Variants in DNAH9 observed in about 807,000 individuals in gnomAD.
The protein encoded by DNAH9 is DNAH9 variant protein.
DNAH9 carries 345 observed loss-of-function variants against 471.6 expected under a neutral mutation model. The ratio of observed to expected loss-of-function variants is 0.73; its 90% CI spans 0.67 to 0.80. DNAH9 has a LOEUF of 0.80. DNAH9 is among the 30% of genes least tolerant of loss of function. DNAH9 has a pLI of 0.00. For missense variants in DNAH9, 5,407 were observed against 5,609.2 expected (o/e 0.96, Z 1.15); for synonymous variants, 2,093 against 2,123.6 (o/e 0.99, Z 0.40).
intron 42 of DNAH9, among the ~76,000 whole-genome samples, chr17:11,797,365 A>G (rs1262605259): frequency 1.3e-5 from 2 of 152,056 alleles, no homozygotes; most frequent in Non-Finnish European, 2.9e-5. Context: ...CCCACCTCCC[A>G]CTTCCCATCC....
At chr17:11,781,571 T>C (rs902673402) in intron 39 of DNAH9, among the ~76,000 whole-genome samples, 3 of 152,118 alleles carry the variant, frequency 2.0e-5, no homozygotes, top group African/African-American at 4.8e-5. Context: ...CAGTGGCTCA[T>C]GCCTGTAATC....
chr17:11,598,988 G>A, intron 1 of DNAH9, 73 bp downstream of exon 1: 1 of 1,218,100 alleles, frequency 8.2e-7, no homozygotes, highest in Non-Finnish European at 1.1e-6. Flanking sequence ...AAGGGACGGA[G>A]GCGGGGCCAG....
chr17:11,768,466 G>C lies in DNAH9; in HGVS notation c.7184G>C (p.Arg2395Pro), dbSNP rs776131763. The change falls in exon 37 of 69, where the codon CGG (arginine) becomes CCG (proline). Residue 2395 changes from arginine (R) to proline (P), a missense_variant. This residue lies in a region of DNAH9 where 4,636 missense variants were observed against 4,900.3 expected (regional missense o/e 0.95). Coordinates refer to ENST00000262442, the MANE Select transcript of DNAH9 (RefSeq NM_001372.4). ...AMVQDQLVDY[R>P]AEFSKWWLTE... Reference sequence around the variant, plus strand: ...TTGTTTTTGCAGCTTGTGGACTACCGGGCAGAGTTCAGCAAATGGTGGCTG... The same window carrying C: ...TTGTTTTTGCAGCTTGTGGACTACCCGGCAGAGTTCAGCAAATGGTGGCTG... 1.2e-6 allele frequency: 2 copies of C among 1,613,676 alleles called. No homozygotes were observed. Among genetic ancestry groups the C allele is most frequent in the African/African-American group, 2.7e-5 (2 of 74,904 alleles).
At chr17:11,760,085 G>C (rs1967600219) in intron 35 of DNAH9, among the ~76,000 whole-genome samples, 1 of 152,156 alleles carries the variant, frequency 6.6e-6, no homozygotes, top group Admixed American at 6.5e-5. Context: ...GTATCCCAAA[G>C]TGCTGAAATT....
intron 11 of DNAH9, among the ~76,000 whole-genome samples, chr17:11,646,302 C>T (rs992037352): frequency 2.6e-5 from 4 of 151,998 alleles, no homozygotes; most frequent in African/African-American, 9.7e-5. Flanking sequence ...TACAGCTGTA[C>T]ATTTCTTTAG....
Position 11,802,038 on chromosome 17 carries a change from C to T in DNAH9, c.8420+4245C>T, listed in dbSNP as rs191454048. Among the ~76,000 whole-genome samples the T allele has an allele frequency of 2.4e-3, 372 of 152,256 alleles. 1 individual carries two copies. The highest frequency in any genetic ancestry group is 8.2e-3 in the African/African-American group (341 of 41,552). ...GGAAAATGAACTGCCTGGAAGGGGA[C>T]AATTCTGAAGAATAAAATGTATTTA... On this transcript the variant is annotated intron_variant, in intron 43 of 68. Transcript: ENST00000262442.
rs533435947 is a variant in DNAH9 at position 11,784,199 on chromosome 17, C to T, written c.7822-101C>T. 19 of 1,551,948 alleles carry T rather than the reference C, an allele frequency of 1.2e-5. No homozygotes were observed. In the East Asian group the frequency reaches 1.4e-4, roughly 11 times the overall value. On this transcript the variant is annotated intron_variant, in intron 40 of 68. Transcript: ENST00000262442. Reference sequence around the variant, plus strand: ...GAGAGATGGGACCAAAATATAGATTCGAAGGCTGTATAAGAATTTTCTGTT... The same window carrying T: ...GAGAGATGGGACCAAAATATAGATTTGAAGGCTGTATAAGAATTTTCTGTT...
At chr17:11,718,042 T>TTG (rs57394041) in intron 26 of DNAH9, among the ~76,000 whole-genome samples, 126,960 of 149,450 alleles carry the variant, frequency 0.85, 56,686 homozygotes, top group Non-Finnish European at 0.98. Context: ...CCCATCTCAT[T>TTG]TGTGTGTGTG....
chr17:11,702,316 A>C (rs890065410), intron 24 of DNAH9, among the ~76,000 whole-genome samples: 2 of 152,226 alleles, frequency 1.3e-5, no homozygotes, highest in Non-Finnish European at 2.9e-5. Context: ...AAGCATAATA[A>C]GAGAGAAGCC....
chr17:11,870,977 G>A (rs1409206323), intron 51 of DNAH9, among the ~76,000 whole-genome samples: 1 of 152,128 alleles, frequency 6.6e-6, no homozygotes, highest in South Asian at 2.1e-4. Context: ...AAAATAAAGG[G>A]TGAGTCCTAA....
At chr17:11,834,171 A>T (rs1376139713) in intron 48 of DNAH9, among the ~76,000 whole-genome samples, 5 of 151,934 alleles carry the variant, frequency 3.3e-5, no homozygotes, top group Non-Finnish European at 7.4e-5. Context: ...TCTACTAAAA[A>T]TACAAACATT....
chr17:11,955,012 C>T (rs577994766), intron 67 of DNAH9, among the ~76,000 whole-genome samples: 1 of 152,060 alleles, frequency 6.6e-6, no homozygotes, highest in South Asian at 2.1e-4. Context: ...ATGCCAACAA[C>T]AGCATGAAAA....
At chr17:11,826,742 G>A (rs557916776) in intron 48 of DNAH9, among the ~76,000 whole-genome samples, 6 of 151,126 alleles carry the variant, frequency 4.0e-5, no homozygotes, top group African/African-American at 1.2e-4. Context: ...GATTACAAGT[G>A]TGAGCCACCG....
At chr17:11,893,195 A>AAAAAG in intron 58 of DNAH9, among the ~76,000 whole-genome samples, 1 of 150,650 alleles carries the variant, frequency 6.6e-6, no homozygotes, top group Non-Finnish European at 1.5e-5. Context: ...AAAAAAAAAA[A>AAAAAG]TGTGGGCCCC....
rs2072919347 is a variant in DNAH9 at position 11,623,748 on chromosome 17, G to C, written c.1350+3967G>C. 1.3e-5 allele frequency among the ~76,000 whole-genome samples: 2 copies of C among 152,182 alleles called. No individual in the cohort carries two copies. The highest frequency in any genetic ancestry group is 4.1e-4 in the South Asian group (2 of 4,832). On this transcript the variant is annotated intron_variant, in intron 6 of 68. Coordinates refer to ENST00000262442, the MANE Select transcript of DNAH9 (RefSeq NM_001372.4). This position sits in a 1 kb window ranked among gnomAD's most constrained non-coding sequence, Gnocchi z 4.1. Reference sequence around the variant, plus strand: ...TTCTAATACAATCTATGGCCACTGAGATGATGGTAGCTGCAATTAATAAAT... The same window carrying C: ...TTCTAATACAATCTATGGCCACTGACATGATGGTAGCTGCAATTAATAAAT...
chr17:11,925,429 C>T (rs1974288495), intron 62 of DNAH9: 1 of 294,028 alleles, frequency 3.4e-6, no homozygotes, highest in South Asian at 3.1e-5. Context: ...AGAGATCTGC[C>T]CCTCCCAGGG....
intron 61 of DNAH9, among the ~76,000 whole-genome samples, chr17:11,911,479 C>CT (rs1973792569): frequency 6.6e-6 from 1 of 152,092 alleles, no homozygotes; most frequent in South Asian, 2.1e-4. Context: ...CAGCTTTGTT[C>CT]TTTTCATGAT....
At chr17:11,899,238 C>T (rs1183803797) in intron 59 of DNAH9, among the ~76,000 whole-genome samples, 1 of 151,382 alleles carries the variant, frequency 6.6e-6, no homozygotes, top group African/African-American at 2.4e-5. Context: ...GCTTTGTTTC[C>T]CCAGAAGAAC....
At chr17:11,808,574 TCTG>T (rs1969775213) in intron 44 of DNAH9, among the ~76,000 whole-genome samples, 1 of 152,164 alleles carries the variant, frequency 6.6e-6, no homozygotes, top group Admixed American at 6.5e-5. Flanking sequence ...GGTGCTCACT[TCTG>T]CTCTAAAACC....
Sources: allele counts gnomAD v4.1 joint callset (sites outside exome capture counted in the v4.1 genomes callset), GRCh38; gene constraint gnomAD v4.1.1; regional missense constraint gnomAD v4.1.1; non-coding constraint Gnocchi (gnomAD v3.1); transcripts MANE v1.5; gene names NCBI Gene and HGNC (gene_info 2026-07-23, HGNC 2026-07-21).